The following RPS6KA5 variants were observed in gnomAD, a reference collection of about 807,000 sequenced individuals.
RPS6KA5 encodes the protein ribosomal protein S6 kinase A5.
A neutral mutation model predicts 85.5 loss-of-function variants in RPS6KA5; 27 were observed. The ratio of observed to expected loss-of-function variants is 0.32; its 90% CI spans 0.23 to 0.44. The LOEUF (loss-of-function observed/expected upper bound fraction) is 0.44. RPS6KA5 is among the 20% of genes least tolerant of loss of function. The pLI is 1.00. For missense variants in RPS6KA5, 811 were observed against 980.9 expected, an observed-to-expected ratio of 0.83 and a Z score of 2.31; for synonymous variants, 334 against 348.2, an observed-to-expected ratio of 0.96 and a Z score of 0.46.
At chr14:90,978,792 T>C (rs537350742) in intron 2 of RPS6KA5, among the ~76,000 whole-genome samples, 1 of 152,338 alleles carries the variant, frequency 6.6e-6, no homozygotes, top group South Asian at 2.1e-4. Flanking sequence ...GCAATATTTT[T>C]AGCTGTAGAA....
intron 7 of RPS6KA5, among the ~76,000 whole-genome samples, chr14:90,916,459 A>G (rs2036122565): frequency 6.6e-6 from 1 of 152,206 alleles, no homozygotes. Flanking sequence ...AAAAATACGG[A>G]AAGTATGCAG....
At chr14:90,902,252 A>G (rs1440032938) in intron 9 of RPS6KA5, among the ~76,000 whole-genome samples, 1 of 152,162 alleles carries the variant, frequency 6.6e-6, no homozygotes, top group Non-Finnish European at 1.5e-5. Context: ...TGGGAGGCCA[A>G]GGCAGGAGGA....
rs998601086 is a variant in RPS6KA5, at chr14:90,982,418, C to T, written c.176-3894G>A. On this transcript the variant is annotated intron_variant, in intron 2 of 16. Coordinates refer to ENST00000614987, the MANE Select transcript of RPS6KA5 (RefSeq NM_004755.4). Reference sequence around the variant, plus strand: ...TTGAGACAGCAGTGAGCCATGATTGCACCACTGCACTACAGCCTGTGTGAC... The same window carrying T: ...TTGAGACAGCAGTGAGCCATGATTGTACCACTGCACTACAGCCTGTGTGAC... 8.5e-5 allele frequency among the ~76,000 whole-genome samples: 13 copies of T among 152,170 alleles called. 1 individual carries two copies. The East Asian group carries it at 2.1e-3, about 25-fold the overall frequency.
At chr14:91,026,123 C>T (rs2041981886) in intron 1 of RPS6KA5, among the ~76,000 whole-genome samples, 1 of 152,192 alleles carries the variant, frequency 6.6e-6, no homozygotes, top group Non-Finnish European at 1.5e-5. Context: ...ATTAAATTCT[C>T]TTCTAGTATA....
At chr14:91,035,569 T>C (rs2042361038) in intron 1 of RPS6KA5, among the ~76,000 whole-genome samples, 3 of 150,668 alleles carry the variant, frequency 2.0e-5, no homozygotes, top group African/African-American at 7.3e-5. Context: ...GATAGAAGGG[T>C]AGGTACATTT....
At chr14:90,896,079 C>T (rs943077351) in intron 12 of RPS6KA5, among the ~76,000 whole-genome samples, 2 of 152,174 alleles carry the variant, frequency 1.3e-5, no homozygotes, top group Non-Finnish European at 1.5e-5. Flanking sequence ...ATTATAAGTA[C>T]ATTATCCTGA....
At chr14:91,040,887 T>C (rs148374387) in intron 1 of RPS6KA5, among the ~76,000 whole-genome samples, 65 of 152,254 alleles carry the variant, frequency 4.3e-4, no homozygotes, top group African/African-American at 1.4e-3. Context: ...CAGGGAGACA[T>C]TAGTAACTTT....
intron 14 of RPS6KA5, among the ~76,000 whole-genome samples, chr14:90,880,374 A>ATTT (rs2033756834): frequency 6.6e-6 from 1 of 152,132 alleles, no homozygotes; most frequent in Admixed American, 6.5e-5. Context: ...AACATACACT[A>ATTT]TTTGTCTTTT....
Position 90,947,997 on chromosome 14 carries a change from G to A in RPS6KA5, c.395-447C>T, listed in dbSNP as rs778109134. 7.2e-4 allele frequency among the ~76,000 whole-genome samples: 110 copies of A among 152,230 alleles called. 1 individual carries two copies. The highest frequency in any genetic ancestry group is 1.1e-3 in the Admixed American group (17 of 15,290). ...CTGTAAACAGATACCCTATTTTCCA[G>A]AATTGTCTACATGCACTTCCAAAAA... On this transcript the variant is annotated intron_variant, in intron 3 of 16. Coordinates refer to ENST00000614987, the MANE Select transcript of RPS6KA5 (RefSeq NM_004755.4).
chr14:90,865,369 G>C lies in RPS6KA5; in HGVS notation c.*6705C>G, dbSNP rs1233181287. 2 of 152,192 alleles carry C rather than the reference G, an allele frequency of 1.3e-5. No individual in the cohort carries two copies. The highest frequency in any genetic ancestry group is 2.9e-5 in the Non-Finnish European group (2 of 68,030). 9.4% of individuals were successfully genotyped at this position (152,192 alleles called of 1,614,324 possible). A position where few individuals can be genotyped will look rare whatever the true frequency, so the allele number is the denominator to read the frequency against. ...TATTGCTACATGCAACAACATAGAT[G>C]CATTTCACAGACATAATGCTGATCA... is the stretch of plus-strand genomic sequence containing the variant. On this transcript the variant is annotated 3_prime_UTR_variant, in exon 17 of 17. Transcript: ENST00000614987.
intron 3 of RPS6KA5, among the ~76,000 whole-genome samples, chr14:90,956,527 A>C (rs1421178171): frequency 6.6e-6 from 1 of 152,146 alleles, no homozygotes; most frequent in African/African-American, 2.4e-5. Flanking sequence ...TATTAACATA[A>C]TATCTGCAAT....
At position 90,867,697 on chromosome 14, in the gene RPS6KA5, G is replaced by C. The variant is rs538252731; in HGVS notation, c.*4377C>G. On this transcript the variant is annotated 3_prime_UTR_variant, in exon 17 of 17. Coordinates refer to ENST00000614987, the MANE Select transcript of RPS6KA5 (RefSeq NM_004755.4). ...GCTTTTTGTAATGTGGTTAAAAGGA[G>C]TAATGGAAAAGAAATGACTGCCAAT... is the stretch of plus-strand genomic sequence containing the variant. The C allele has an allele frequency of 2.0e-5, 3 of 152,318 alleles. No individual in the cohort carries two copies. In the South Asian group the frequency reaches 6.2e-4, roughly 32 times the overall value. 9.4% of individuals were successfully genotyped at this position (152,318 alleles called of 1,614,324 possible).
chr14:90,880,095 G>A (rs530872329), intron 14 of RPS6KA5, among the ~76,000 whole-genome samples: 1 of 151,966 alleles, frequency 6.6e-6, no homozygotes, highest in Non-Finnish European at 1.5e-5. Flanking sequence ...CACCATGCCT[G>A]GCCACCACTC....
At chr14:90,948,463 G>A (rs1021894809) in intron 3 of RPS6KA5, among the ~76,000 whole-genome samples, 25 of 152,122 alleles carry the variant, frequency 1.6e-4, no homozygotes, top group Non-Finnish European at 3.4e-4. Context: ...TTGGGAGGCC[G>A]AGGCAGGCGG....
At chr14:90,956,696 G>A (rs1555368073) in intron 3 of RPS6KA5, among the ~76,000 whole-genome samples, 2 of 148,270 alleles carry the variant, frequency 1.3e-5, no homozygotes, top group African/African-American at 2.5e-5. Flanking sequence ...TTTCTTAGTG[G>A]TTGCTCTGCA....
chr14:90,911,601 CAT>C (rs1471513135), intron 7 of RPS6KA5: 29 of 152,252 alleles, frequency 1.9e-4, no homozygotes, highest in African/African-American at 6.7e-4. Context: ...AAAAGTGAAA[CAT>C]ATTATGGTGT....
At chr14:91,031,326 C>CAAAAAAAA in intron 1 of RPS6KA5, among the ~76,000 whole-genome samples, 1 of 150,742 alleles carries the variant, frequency 6.6e-6, no homozygotes, top group South Asian at 2.1e-4. Context: ...AAAGCTTTTC[C>CAAAAAAAA]AAAAAAAAAT....
intron 14 of RPS6KA5, among the ~76,000 whole-genome samples, chr14:90,881,039 T>C (rs2033803672): frequency 6.6e-6 from 1 of 151,954 alleles, no homozygotes; most frequent in African/African-American, 2.4e-5. Flanking sequence ...CTCACTATGT[T>C]GTCCAGGCTA....
At chr14:90,939,938 G>A (rs1458306893) in intron 5 of RPS6KA5, among the ~76,000 whole-genome samples, 1 of 152,168 alleles carries the variant, frequency 6.6e-6, no homozygotes, top group Non-Finnish European at 1.5e-5. Context: ...AAAAAGGAAT[G>A]CAAGCTAATC....
Sources: gnomAD v4.1 joint callset for allele counts (sites outside exome capture counted in the v4.1 genomes callset) on GRCh38, gnomAD v4.1.1 for gene constraint, MANE v1.5 for transcripts, NCBI Gene and HGNC (gene_info 2026-07-23, HGNC 2026-07-21) for gene names.